SCGN: variants seen among roughly 807,000 people sequenced by gnomAD.
SCGN encodes secretagogin, EF-hand calcium binding protein.
A neutral mutation model predicts 39.7 loss-of-function variants in SCGN; 30 were observed. That is an observed-to-expected ratio of 0.76 (90% confidence interval 0.57 to 1.03). The LOEUF (loss-of-function observed/expected upper bound fraction) is 1.03, where lower values mean the gene tolerates loss of function less well. SCGN is among the 50% of genes least tolerant of loss of function. SCGN has a pLI of 0.00. For missense variants in SCGN, 353 were observed against 349.4 expected (o/e 1.01, Z -0.08); for synonymous variants, 106 against 114.1 (o/e 0.93, Z 0.45).
chr6:25,677,612 A>T (rs1759581668), intron 6 of SCGN, among the ~76,000 whole-genome samples: 2 of 152,232 alleles, frequency 1.3e-5, no homozygotes, highest in South Asian at 4.1e-4. Context: ...TCTATTGCAT[A>T]TAGTCCTATT....
At chr6:25,681,474 C>A (rs1759636193) in intron 6 of SCGN, among the ~76,000 whole-genome samples, 1 of 152,228 alleles carries the variant, frequency 6.6e-6, no homozygotes, top group Non-Finnish European at 1.5e-5. Flanking sequence ...TGCTGCTATC[C>A]TCCAAATAAT....
intron 2 of SCGN, among the ~76,000 whole-genome samples, chr6:25,660,414 G>A (rs548091428): frequency 1.3e-5 from 2 of 152,126 alleles, no homozygotes; most frequent in Non-Finnish European, 2.9e-5. Flanking sequence ...ATCACCAGGG[G>A]CCAGAATTGT....
chr6:25,691,651 G>A (rs1336622778), intron 10 of SCGN, among the ~76,000 whole-genome samples: 1 of 152,112 alleles, frequency 6.6e-6, no homozygotes, highest in Non-Finnish European at 1.5e-5. Context: ...GGATAGACAA[G>A]GTTTAAAAAA....
At chr6:25,658,867 T>C (rs375013491) in intron 2 of SCGN, among the ~76,000 whole-genome samples, 1 of 152,216 alleles carries the variant, frequency 6.6e-6, no homozygotes, top group African/African-American at 2.4e-5. Context: ...TGTGTATGAT[T>C]GAACAGGGAA....
At chr6:25,682,066 A>G in intron 7 of SCGN, 60 bp downstream of exon 7, 1 of 1,287,512 alleles carries the variant, frequency 7.8e-7, no homozygotes, top group Non-Finnish European at 1.1e-6. Flanking sequence ...GTCTGATGAC[A>G]TCATATATTT....
chr6:25,675,448 T>G (rs1414014636), intron 6 of SCGN, among the ~76,000 whole-genome samples: 1 of 152,252 alleles, frequency 6.6e-6, no homozygotes, highest in East Asian at 1.9e-4. Flanking sequence ...TATCCCTGCT[T>G]TCACGCCACT....
chr6:25,657,840 G>C (rs1582570204), intron 2 of SCGN, among the ~76,000 whole-genome samples: 1 of 150,766 alleles, frequency 6.6e-6, no homozygotes, highest in African/African-American at 2.4e-5. Flanking sequence ...CTCAAAGGAA[G>C]ACAGAAGACA....
At chr6:25,681,269 C>A (rs1037485826) in intron 6 of SCGN, among the ~76,000 whole-genome samples, 1 of 152,220 alleles carries the variant, frequency 6.6e-6, no homozygotes, top group Non-Finnish European at 1.5e-5. Context: ...TTCACGGAAA[C>A]ATGAGGTTTC....
intron 7 of SCGN, among the ~76,000 whole-genome samples, chr6:25,684,945 A>T (rs936176293): frequency 6.6e-6 from 1 of 152,230 alleles, no homozygotes; most frequent in African/African-American, 2.4e-5. Context: ...AATAGAGATT[A>T]TTCTGGATTA....
At chr6:25,695,961 A>G (rs1272593918) in intron 10 of SCGN, among the ~76,000 whole-genome samples, 1 of 152,204 alleles carries the variant, frequency 6.6e-6, no homozygotes, top group African/African-American at 2.4e-5. Flanking sequence ...AAATATGAAC[A>G]CTAACATCGG....
intron 3 of SCGN, among the ~76,000 whole-genome samples, chr6:25,662,704 C>G (rs1378230294): frequency 6.6e-6 from 1 of 152,164 alleles, no homozygotes; most frequent in Admixed American, 6.5e-5. Flanking sequence ...AAACTAAACT[C>G]TAGATTTATG....
intron 6 of SCGN, among the ~76,000 whole-genome samples, chr6:25,681,639 C>A (rs1217881589): frequency 6.6e-6 from 1 of 152,126 alleles, no homozygotes; most frequent in African/African-American, 2.4e-5. Context: ...GCCAGATGGT[C>A]ACTACTTTGT....
Position 25,685,026 on chromosome 6 carries a change from C to T in SCGN, c.527+3020C>T, listed in dbSNP as rs961777152. On this transcript the variant is annotated intron_variant, in intron 7 of 10. Coordinates refer to ENST00000377961, the MANE Select transcript of SCGN (RefSeq NM_006998.4). ...AGAGGGAGGCAGAAGGTCAGAGTCA[C>T]GGAGAGATTTGAAAATGCTAGTTGC... Among the ~76,000 whole-genome samples the T allele has an allele frequency of 2.6e-5, 4 of 152,094 alleles. No individual in the cohort carries two copies. In the East Asian group the frequency reaches 5.8e-4, roughly 22 times the overall value.
At chr6:25,685,344 G>T (rs552840255) in intron 7 of SCGN, among the ~76,000 whole-genome samples, 1 of 152,300 alleles carries the variant, frequency 6.6e-6, no homozygotes, top group African/African-American at 2.4e-5. Context: ...TCTACTTTCA[G>T]CTGTGAAATG....
At chr6:25,682,054 G>A (rs1239249436) in intron 7 of SCGN, 48 bp downstream of exon 7, 4 of 1,388,238 alleles carry the variant, frequency 2.9e-6, no homozygotes, top group Non-Finnish European at 3.1e-6. Flanking sequence ...ACCTTACTAG[G>A]GGTCTGATGA....
At chr6:25,678,932 G>C (rs1231752702) in intron 6 of SCGN, 1 of 152,834 alleles carries the variant, frequency 6.5e-6, no homozygotes, top group African/African-American at 2.4e-5. Context: ...GCTTGGCCAA[G>C]ATATATTGAA....
At chr6:25,686,142 T>G (rs774322416) in intron 7 of SCGN, among the ~76,000 whole-genome samples, 1 of 152,202 alleles carries the variant, frequency 6.6e-6, no homozygotes, top group Non-Finnish European at 1.5e-5. Flanking sequence ...TGATGTTCAT[T>G]TGAGTTGTTT....
intron 2 of SCGN, among the ~76,000 whole-genome samples, chr6:25,656,313 C>T (rs374516176): frequency 6.6e-6 from 1 of 152,168 alleles, no homozygotes; most frequent in African/African-American, 2.4e-5. Flanking sequence ...GCATGAATAG[C>T]TCTACTTTCC....
chr6:25,663,474 G>A (rs1283882186), intron 3 of SCGN, among the ~76,000 whole-genome samples: 1 of 152,058 alleles, frequency 6.6e-6, no homozygotes, highest in Non-Finnish European at 1.5e-5. Flanking sequence ...TTGACTAATT[G>A]ATATGTATGA....
Sources: allele counts gnomAD v4.1 joint callset (sites outside exome capture counted in the v4.1 genomes callset), GRCh38; gene constraint gnomAD v4.1.1; transcripts MANE v1.5; gene names NCBI Gene and HGNC (gene_info 2026-07-23, HGNC 2026-07-21).